The following ATP8A2 variants were observed in gnomAD, a reference collection of about 807,000 sequenced individuals.
ATP8A2 encodes ATPase phospholipid transporting 8A2.
Under a neutral mutation model 165.6 loss-of-function variants are expected in ATP8A2, and 100 were observed. The observed-to-expected ratio is 0.60, with a 90% CI of 0.51 to 0.71. The LOEUF (loss-of-function observed/expected upper bound fraction) is 0.71. ATP8A2 is among the 30% of genes least tolerant of loss of function. ATP8A2 has a pLI of 0.00. For synonymous variants in ATP8A2, 543 were observed against 548.8 expected (o/e 0.99, Z 0.15); for missense variants, 1,227 against 1,479.5 (o/e 0.83, Z 2.80).
intron 1 of ATP8A2, among the ~76,000 whole-genome samples, chr13:25,401,698 C>T (rs1566106531): frequency 6.6e-6 from 1 of 152,062 alleles, no homozygotes; most frequent in Non-Finnish European, 1.5e-5. Flanking sequence ...TACCGGAAAC[C>T]TCGGATGGTA....
intron 33 of ATP8A2, chr13:25,950,934 C>T (rs1955338558): frequency 6.6e-6 from 1 of 152,214 alleles, no homozygotes; most frequent in South Asian, 2.1e-4. Flanking sequence ...TGTCCCACCT[C>T]ATGCACACTC....
intron 25 of ATP8A2, among the ~76,000 whole-genome samples, chr13:25,708,047 T>TCCTTTCCC (rs568250692): frequency 9.8e-4 from 149 of 152,330 alleles, no homozygotes; most frequent in African/African-American, 3.2e-3. Flanking sequence ...TTTCTTTTTT[T>TCCTTTCCC]CCTTTCCCCT....
chr13:25,550,520 A>G (rs2038788224), intron 10 of ATP8A2, among the ~76,000 whole-genome samples: 1 of 152,162 alleles, frequency 6.6e-6, no homozygotes, highest in African/African-American at 2.4e-5. Flanking sequence ...CCTGAACTGG[A>G]GTGATTCTTG....
intron 9 of ATP8A2, among the ~76,000 whole-genome samples, chr13:25,542,860 G>C (rs1433469654): frequency 6.6e-6 from 1 of 151,808 alleles, no homozygotes; most frequent in Non-Finnish European, 1.5e-5. Context: ...GATATGATAG[G>C]TTGCTGCTTT....
intron 1 of ATP8A2, among the ~76,000 whole-genome samples, chr13:25,379,730 C>T (rs915885778): frequency 6.6e-6 from 1 of 152,186 alleles, no homozygotes; most frequent in Admixed American, 6.5e-5. Flanking sequence ...GCGGGCCCTG[C>T]TAAGCGTGTA....
chr13:25,445,237 T>A (rs2035037667), intron 1 of ATP8A2, among the ~76,000 whole-genome samples: 1 of 152,260 alleles, frequency 6.6e-6, no homozygotes, highest in Non-Finnish European at 1.5e-5. Flanking sequence ...TCCCTTGGAA[T>A]GATTTTAAAG....
chr13:25,999,101 C>T (rs1178878606), intron 35 of ATP8A2, among the ~76,000 whole-genome samples: 1 of 152,116 alleles, frequency 6.6e-6, no homozygotes, highest in Non-Finnish European at 1.5e-5. Context: ...AGAGTCGCAC[C>T]ACAAATCAGT....
intron 27 of ATP8A2, among the ~76,000 whole-genome samples, chr13:25,791,339 T>TA (rs2045166342): frequency 6.6e-6 from 1 of 151,918 alleles, no homozygotes; most frequent in East Asian, 1.9e-4. Context: ...GATAAGAACA[T>TA]ACAGACACAA....
chr13:25,723,761 C>T (rs1207320763), intron 25 of ATP8A2, among the ~76,000 whole-genome samples: 4 of 151,954 alleles, frequency 2.6e-5, no homozygotes, highest in Non-Finnish European at 4.4e-5. Context: ...GGGGCACTCC[C>T]TCCACGTAAC....
Position 25,533,275 on chromosome 13 carries a change from T to A in ATP8A2, c.469T>A (p.Leu157Ile). The A allele has an allele frequency of 6.7e-7, 1 of 1,485,624 alleles. No homozygotes were observed. The allele number at this position is 1,485,624 out of a possible 1,614,324, so 92.0% of individuals were successfully genotyped here. Reference protein sequence around the residue: ...NAVNKKKTIVLRNGMWHTIMW... With the variant: ...NAVNKKKTIVIRNGMWHTIMW... ...TATTTTATTTTTCTCTTTTTCAGTG[T>A]TAAGAAATGGTATGTGGCATACCAT... is the stretch of plus-strand genomic sequence containing the variant. The change falls in exon 6 of 37, where the codon TTA becomes ATA. Residue 157 changes from leucine to isoleucine, a missense_variant and splice_region_variant. Transcript: ENST00000381655.
At chr13:25,466,874 G>A (rs1282386019) in intron 1 of ATP8A2, among the ~76,000 whole-genome samples, 1 of 152,194 alleles carries the variant, frequency 6.6e-6, no homozygotes, top group African/African-American at 2.4e-5. Flanking sequence ...ATAAAATCAG[G>A]TAATGATGAT....
chr13:25,871,422 C>T (rs1446690936), intron 33 of ATP8A2, among the ~76,000 whole-genome samples: 1 of 152,066 alleles, frequency 6.6e-6, no homozygotes, highest in Non-Finnish European at 1.5e-5. Context: ...AGTTCCCCCA[C>T]CCAGAGATGG....
intron 23 of ATP8A2, among the ~76,000 whole-genome samples, chr13:25,587,926 T>C (rs2039968876): frequency 6.6e-6 from 1 of 152,234 alleles, no homozygotes; most frequent in African/African-American, 2.4e-5. Context: ...TGAACTAGTT[T>C]GTAAATGTAT....
At chr13:25,663,982 G>A (rs926661816) in intron 24 of ATP8A2, among the ~76,000 whole-genome samples, 5 of 152,148 alleles carry the variant, frequency 3.3e-5, no homozygotes, top group Non-Finnish European at 5.9e-5. Flanking sequence ...GCCGAGGTGG[G>A]TGGATTGCTT....
chr13:25,381,963 G>A (rs760266700), intron 1 of ATP8A2, among the ~76,000 whole-genome samples: 14 of 152,132 alleles, frequency 9.2e-5, no homozygotes, highest in Non-Finnish European at 1.6e-4. Flanking sequence ...GCACCATAGC[G>A]TCACACCATG....
rs1158315718 is a variant in ATP8A2, at chr13:25,961,647, G to C, written c.3256G>C (p.Asp1086His). The C allele has an allele frequency of 1.2e-6, 2 of 1,613,466 alleles. No individual in the cohort carries two copies. The highest frequency in any genetic ancestry group is 1.3e-5 in the African/African-American group (1 of 74,900). The change falls in exon 34 of 37, where the codon GAT becomes CAT. Residue 1086 changes from aspartate to histidine, a missense_variant. Physicochemically the swap from Asp to His is moderately conservative, Grantham distance 81 (BLOSUM62 -1). Transcript: ENST00000381655. ...FLVPTACLIEDVAWRAAKHTC... is the reference protein window; with the variant it reads ...FLVPTACLIEHVAWRAAKHTC... ...GGTTCCTACTGCCTGTTTGATTGAAGATGTGGCATGGAGAGCGTAAGTTTA... is the reference window on the plus strand; with the variant it reads ...GGTTCCTACTGCCTGTTTGATTGAACATGTGGCATGGAGAGCGTAAGTTTA...
At chr13:25,971,033 C>T (rs867042017) in intron 35 of ATP8A2, among the ~76,000 whole-genome samples, 17 of 152,022 alleles carry the variant, frequency 1.1e-4, no homozygotes, top group Middle Eastern at 3.2e-3. Context: ...CACGTGTGCG[C>T]GCACACATGC....
At chr13:25,774,237 G>A (rs1464808063) in intron 26 of ATP8A2, among the ~76,000 whole-genome samples, 2 of 152,180 alleles carry the variant, frequency 1.3e-5, no homozygotes, top group Non-Finnish European at 2.9e-5. Context: ...CCATAAAAAG[G>A]AATGAGATCA....
chr13:25,564,200 C>T (rs952608162), intron 16 of ATP8A2, among the ~76,000 whole-genome samples, 169 bp downstream of exon 16: 10 of 152,090 alleles, frequency 6.6e-5, no homozygotes, highest in Non-Finnish European at 1.5e-4. Context: ...TTGTGGTGAA[C>T]GCTATGCATA....
Sources: gnomAD v4.1 joint callset for allele counts (sites outside exome capture counted in the v4.1 genomes callset) on GRCh38, gnomAD v4.1.1 for gene constraint, MANE v1.5 for transcripts, NCBI Gene and HGNC (gene_info 2026-07-23, HGNC 2026-07-21) for gene names.